The following TRMT11 variants were observed in gnomAD, a reference collection of about 807,000 sequenced individuals.
TRMT11 encodes tRNA methyltransferase 11, also known as tRNA (guanine(10)-N(2))-methyltransferase TRMT11.
TRMT11 carries 53 observed loss-of-function variants against 62.8 expected under a neutral mutation model. The ratio of observed to expected loss-of-function variants is 0.84; its 90% CI spans 0.68 to 1.06. The LOEUF is 1.06. Among genes scored for constraint, TRMT11 ranks in the 50% least tolerant of loss-of-function variants. TRMT11 has a pLI of 0.00. For synonymous variants in TRMT11, 188 were observed against 190.3 expected (o/e 0.99, Z 0.10); for missense variants, 556 against 553.4 (o/e 1.00, Z -0.05).
chr6:126,199,943 A>T (rs181820662), intron 3 of TRMT11: 208 of 152,304 alleles, frequency 1.4e-3, no homozygotes, highest in African/African-American at 4.7e-3. Context: ...TTACGCTAAG[A>T]TGGAATACTA....
rs1347824754 is a variant in TRMT11, at chr6:125,998,620, A to G, written c.458A>G (p.Glu153Gly). The G allele has an allele frequency of 6.2e-7, 1 of 1,613,492 alleles. No homozygotes were observed. The highest frequency in any genetic ancestry group is 8.5e-7 in the Non-Finnish European group (1 of 1,179,646). The change falls in exon 6 of 13, where the codon GAG (glutamate) becomes GGG (glycine). Residue 153 changes from glutamate to glycine, a missense_variant. Transcript: ENST00000334379. The stretch of plus-strand genomic sequence containing the variant: ...CCGCAACATGTATTTTCTGTTTTGG[A>G]GGATTATGGTTTAGACCCAAACTGC... Reference protein sequence around the residue: ...KKPQHVFSVLEDYGLDPNCIP... With the variant: ...KKPQHVFSVLGDYGLDPNCIP...
chr6:126,219,489 T>C, the TRMT11 span, among the ~76,000 whole-genome samples: 1 of 152,218 alleles, frequency 6.6e-6, no homozygotes, highest in African/African-American at 2.4e-5. Context: ...TTTAAGGTCT[T>C]ACATACCAGC....
chr6:126,257,572 G>A, the TRMT11 span, among the ~76,000 whole-genome samples: 5 of 152,162 alleles, frequency 3.3e-5, no homozygotes, highest in African/African-American at 1.2e-4. Flanking sequence ...AGTTTGAGAA[G>A]CACTGGTAGT....
chr6:126,069,562 A>T (rs112985596), intron 17 of TRMT11, among the ~76,000 whole-genome samples: 33 of 152,166 alleles, frequency 2.2e-4, no homozygotes, highest in African/African-American at 7.2e-4. Context: ...TTGCTGTCAG[A>T]CCCTTGTCCG....
At chr6:126,223,871 T>G in the TRMT11 span, among the ~76,000 whole-genome samples, 2 of 152,222 alleles carry the variant, frequency 1.3e-5, no homozygotes, top group Non-Finnish European at 2.9e-5. Flanking sequence ...TATTTTTCTC[T>G]GAGTTGATTC....
chr6:126,120,144 G>A (rs1223339943), intron 21 of TRMT11, among the ~76,000 whole-genome samples: 1 of 152,044 alleles, frequency 6.6e-6, no homozygotes, highest in African/African-American at 2.4e-5. Context: ...GTGTGGTGGC[G>A]CATGCCTGTA....
At chr6:126,270,179 C>A in the TRMT11 span, among the ~76,000 whole-genome samples, 1 of 152,182 alleles carries the variant, frequency 6.6e-6, no homozygotes, top group Admixed American at 6.5e-5. Flanking sequence ...GTACTTGGCC[C>A]TGTATCTTAC....
At chr6:126,002,325 A>G (rs1215304054) in intron 7 of TRMT11, among the ~76,000 whole-genome samples, 2 of 152,192 alleles carry the variant, frequency 1.3e-5, no homozygotes, top group East Asian at 3.8e-4. Context: ...AATTGCAGTC[A>G]ATCCTTACAG....
intron 17 of TRMT11, among the ~76,000 whole-genome samples, chr6:126,065,531 G>A (rs1023495747): frequency 6.6e-6 from 1 of 152,066 alleles, no homozygotes; most frequent in Non-Finnish European, 1.5e-5. Flanking sequence ...AAGCAACCTT[G>A]GTTCATTTCT....
chr6:126,270,915 G>A, the TRMT11 span, among the ~76,000 whole-genome samples: 1 of 152,148 alleles, frequency 6.6e-6, no homozygotes. Flanking sequence ...ACTCTTCAGA[G>A]TTTGCTATCT....
At chr6:126,126,675 T>A (rs889153182) in intron 21 of TRMT11, among the ~76,000 whole-genome samples, 3 of 152,160 alleles carry the variant, frequency 2.0e-5, no homozygotes, top group Admixed American at 1.3e-4. Flanking sequence ...CCAGCCTGGT[T>A]CATTCTTCTA....
At chr6:126,035,311 G>A (rs374801398) in intron 12 of TRMT11, among the ~76,000 whole-genome samples, 1 of 152,070 alleles carries the variant, frequency 6.6e-6, no homozygotes, top group African/African-American at 2.4e-5. Context: ...TGTCTTACTC[G>A]AAGCAGGACT....
chr6:126,092,051 T>A (rs1372108232), intron 17 of TRMT11, among the ~76,000 whole-genome samples: 1 of 152,172 alleles, frequency 6.6e-6, no homozygotes, highest in Non-Finnish European at 1.5e-5. Context: ...ATTTTAAAAT[T>A]TAAGGAGCTG....
At chr6:125,987,707 T>G (rs769277683) in intron 1 of TRMT11, among the ~76,000 whole-genome samples, 14 of 152,166 alleles carry the variant, frequency 9.2e-5, no homozygotes, top group Non-Finnish European at 2.1e-4. Context: ...TCATTAAGGC[T>G]GGATTGATTG....
chr6:126,056,459 C>T (rs189014057), intron 17 of TRMT11, among the ~76,000 whole-genome samples: 1 of 152,284 alleles, frequency 6.6e-6, no homozygotes, highest in Admixed American at 6.5e-5. Flanking sequence ...CTCTTGAATT[C>T]TGCCATCACC....
At chr6:126,029,944 T>C (rs2128037447) in intron 12 of TRMT11, among the ~76,000 whole-genome samples, 1 of 152,276 alleles carries the variant, frequency 6.6e-6, no homozygotes, top group African/African-American at 2.4e-5. Context: ...AGTTTAATCA[T>C]TGTCACTCAT....
chr6:125,999,980 AT>A (rs1792202651), intron 7 of TRMT11, among the ~76,000 whole-genome samples: 1 of 152,220 alleles, frequency 6.6e-6, no homozygotes, highest in Admixed American at 6.5e-5. Flanking sequence ...GATCAAAAAA[AT>A]GTATTCATCC....
chr6:126,087,938 T>C (rs945271790), intron 17 of TRMT11, among the ~76,000 whole-genome samples: 2 of 152,210 alleles, frequency 1.3e-5, no homozygotes, highest in Non-Finnish European at 2.9e-5. Context: ...AATCAGACTA[T>C]TTAATTGTTC....
chr6:126,086,631 C>A (rs1321461028), intron 17 of TRMT11, among the ~76,000 whole-genome samples: 1 of 152,190 alleles, frequency 6.6e-6, no homozygotes, highest in Non-Finnish European at 1.5e-5. Flanking sequence ...TCCCTGCCTA[C>A]AGTACTTCAG....
Sources: allele counts gnomAD v4.1 joint callset (sites outside exome capture counted in the v4.1 genomes callset), GRCh38; gene constraint gnomAD v4.1.1; transcripts MANE v1.5; gene names NCBI Gene and HGNC (gene_info 2026-07-23, HGNC 2026-07-21).